Variants in CFAP61 observed in about 807,000 individuals in gnomAD.
CFAP61 encodes cilia and flagella associated protein 61.
CFAP61 carries 107 observed loss-of-function variants against 135.6 expected under a neutral mutation model. The ratio of observed to expected loss-of-function variants is 0.79; its 90% confidence interval spans 0.67 to 0.93. The LOEUF is 0.93. Among genes scored for constraint, CFAP61 ranks in the 40% least tolerant of loss-of-function variants. The probability of loss-of-function intolerance (pLI) is 0.00; values close to 1 mark genes in which losing one functional copy is unlikely to be tolerated. For synonymous variants in CFAP61, 575 were observed against 578.5 expected, an observed-to-expected ratio of 0.99 and a Z score of 0.09; for missense variants, 1,507 against 1,556.2, an observed-to-expected ratio of 0.97 and a Z score of 0.53.
chr20:20,209,807 C>A (rs893522743), intron 17 of CFAP61, among the ~76,000 whole-genome samples: 1 of 152,104 alleles, frequency 6.6e-6, no homozygotes, highest in African/African-American at 2.4e-5. Context: ...TCGTGGCAGG[C>A]GGGGAGGAGG....
intron 25 of CFAP61, among the ~76,000 whole-genome samples, chr20:20,310,785 C>G (rs2056776446): frequency 1.3e-5 from 2 of 152,204 alleles, no homozygotes; most frequent in South Asian, 4.1e-4. Flanking sequence ...ACACTAAGCC[C>G]TGATTTCTGC....
rs1299246945 is a variant in CFAP61 at position 20,075,605 on chromosome 20, C to T, written c.556C>T (p.Arg186Cys). The T allele has an allele frequency of 4.3e-6, 7 of 1,613,976 alleles. No individual in the cohort carries two copies. The highest frequency in any genetic ancestry group is 2.2e-5 in the East Asian group (1 of 44,896). The change falls in exon 6 of 27, where the codon CGC (arginine) becomes TGC (cysteine). Residue 186 changes from arginine (R) to cysteine (C), a missense_variant. Transcript: ENST00000245957. ...RHSHYPQLHV[R>C]KARVEDHDDL... ...CAGCCACTATCCTCAGCTGCACGTT[C>T]GCAAAGCCAGGTACAGTTGGAGTCA...
chr20:20,096,231 A>G (rs528344961), intron 7 of CFAP61, among the ~76,000 whole-genome samples: 2 of 152,324 alleles, frequency 1.3e-5, no homozygotes, highest in African/African-American at 4.8e-5. Context: ...GTGTTTCTCA[A>G]ATCGGTTATT....
In CFAP61 at chr20:20,122,116, C is replaced by T. The variant is rs146329423; in HGVS notation, c.860-20741C>T. On this transcript the variant is annotated intron_variant, in intron 8 of 26. Transcript: ENST00000245957. ...CCTCATCCCCCTCCCAGCTTTCCCC[C>T]CAAGTCCCCAAAGTCCATTGTGTCA... Among the ~76,000 whole-genome samples the T allele has an allele frequency of 8.0e-3, 1,216 of 151,390 alleles. 44 individuals are homozygous for T. The highest frequency in any genetic ancestry group is 0.06 in the Admixed American group (913 of 15,192).
At chr20:20,214,151 C>G (rs1437148972) in intron 17 of CFAP61, 1 of 152,218 alleles carries the variant, frequency 6.6e-6, no homozygotes, top group African/African-American at 2.4e-5. Context: ...GGGGCCCTCT[C>G]AGGATACTGG....
intron 21 of CFAP61, among the ~76,000 whole-genome samples, chr20:20,270,319 T>C (rs2424305): frequency 0.18 from 27,108 of 152,158 alleles, 2,760 homozygotes; most frequent in Middle Eastern, 0.24. Context: ...CTTTATAGCA[T>C]TGAGCGTGAC....
At chr20:20,228,674 G>T in intron 18 of CFAP61, 1 of 237,992 alleles carries the variant, frequency 4.2e-6, no homozygotes, top group Non-Finnish European at 8.4e-6. Flanking sequence ...AGATTAGATG[G>T]CAGACTCCTC....
rs11326705 is a variant in CFAP61 at position 20,144,607 on chromosome 20, G to GA, written c.951+1669dup. ...ATGAAGAGAGAGAGACGCTAGGACAGAAAAAAAAAACACATTCGAAGAAAT... is the reference window on the plus strand; with the variant it reads ...ATGAAGAGAGAGAGACGCTAGGACAGAAAAAAAAAAACACATTCGAAGAAAT... On this transcript the variant is annotated intron_variant, in intron 9 of 26. Transcript: ENST00000245957. Among the ~76,000 whole-genome samples the GA allele has an allele frequency of 2.2e-3, 330 of 148,242 alleles. 2 individuals are homozygous for GA. The highest frequency in any genetic ancestry group is 7.2e-3 in the African/African-American group (292 of 40,670).
chr20:20,101,209 T>C (rs1715135839), intron 8 of CFAP61, among the ~76,000 whole-genome samples: 1 of 152,254 alleles, frequency 6.6e-6, no homozygotes, highest in Admixed American at 6.5e-5. Flanking sequence ...TACTTTCCTT[T>C]CCTGATGAAA....
At chr20:20,330,442 C>T (rs765615549) in intron 25 of CFAP61, among the ~76,000 whole-genome samples, 1 of 152,204 alleles carries the variant, frequency 6.6e-6, no homozygotes, top group Non-Finnish European at 1.5e-5. Flanking sequence ...CTCCAGTGAT[C>T]CTCCCACCTC....
intron 26 of CFAP61, among the ~76,000 whole-genome samples, chr20:20,344,485 C>T (rs889164636): frequency 6.6e-6 from 1 of 152,126 alleles, no homozygotes; most frequent in Non-Finnish European, 1.5e-5. Context: ...AAATGGCCAA[C>T]AGGTATATGA....
intron 6 of CFAP61, among the ~76,000 whole-genome samples, chr20:20,083,956 T>C (rs1455465419): frequency 1.3e-5 from 2 of 152,188 alleles, no homozygotes; most frequent in Non-Finnish European, 2.9e-5. Flanking sequence ...GAATACTATA[T>C]GGAGTTTAGA....
rs774273525 is a variant in CFAP61 at position 20,159,379 on chromosome 20, G to A, written c.961G>A (p.Ala321Thr). Residue 321 changes from alanine (A) to threonine (T), a missense_variant, in exon 10 of 27, where the codon GCC becomes ACC. Coordinates refer to ENST00000245957, the MANE Select transcript of CFAP61 (RefSeq NM_015585.4). ...DTMENIQGNIAREAASEEALT... is the reference protein window; with the variant it reads ...DTMENIQGNITREAASEEALT... The stretch of plus-strand genomic sequence containing the variant: ...CTGTCATCATTTCCAGGGAAATATT[G>A]CCAGAGAAGCTGCATCCGAGGAAGC... 1 of 1,613,774 alleles carries A rather than the reference G, an allele frequency of 6.2e-7. No individual in the cohort carries two copies. The highest frequency in any genetic ancestry group is 8.5e-7 in the Non-Finnish European group (1 of 1,179,688).
rs2052392049 is a variant in CFAP61 at position 20,262,994 on chromosome 20, G to A, written c.2367G>A (p.Leu789=). 1.2e-6 allele frequency: 2 copies of A among 1,613,388 alleles called. No individual in the cohort carries two copies. ...CPTEADISQH[L]TNREVPNSSQ... is the part of the protein sequence containing the mutation. Reference sequence around the variant, plus strand: ...CAGAGGCTGATATTAGTCAACACCTGACAAACAGGGAGGTTCCCAACAGCA... The same window carrying A: ...CAGAGGCTGATATTAGTCAACACCTAACAAACAGGGAGGTTCCCAACAGCA... Residue 789 remains leucine, a synonymous_variant, in exon 21 of 27, where the codon CTG becomes CTA. Transcript: ENST00000245957.
intron 9 of CFAP61, among the ~76,000 whole-genome samples, chr20:20,147,233 A>G (rs1446550853): frequency 6.6e-6 from 1 of 152,184 alleles, no homozygotes; most frequent in Non-Finnish European, 1.5e-5. Flanking sequence ...TTTTTCATAT[A>G]ATGACTTCTT....
intron 8 of CFAP61, among the ~76,000 whole-genome samples, chr20:20,110,807 G>T (rs946726559): frequency 6.6e-6 from 1 of 152,126 alleles, no homozygotes; most frequent in African/African-American, 2.4e-5. Flanking sequence ...CTATTGTGAT[G>T]ATGACTATTT....
At chr20:20,195,463 AG>A (rs1244658337) in intron 15 of CFAP61, among the ~76,000 whole-genome samples, 1 of 152,126 alleles carries the variant, frequency 6.6e-6, no homozygotes, top group African/African-American at 2.4e-5. Flanking sequence ...CTCACCTTGG[AG>A]TGCTCCCCTC....
Position 20,298,366 on chromosome 20 carries a change from C to G in CFAP61, c.3402C>G (p.Asn1134Lys), listed in dbSNP as rs1484493561. The change falls in exon 25 of 27, where the codon AAC (asparagine) becomes AAG (lysine). Residue 1134 changes from asparagine (N) to lysine (K), a missense_variant. By Grantham distance (94) the Asn-to-Lys change is moderately conservative. Transcript: ENST00000245957. ...ACCTGTGTGCTCGGTACGATGAAAA[C>G]CTGATCACAGATCTCTATAGGTGAG... ...LNNLCARYDENLITDLYSYFT... is the reference protein window; with the variant it reads ...LNNLCARYDEKLITDLYSYFT... The G allele has an allele frequency of 6.2e-7, 1 of 1,613,882 alleles. No individual in the cohort carries two copies. Among genetic ancestry groups the G allele is most frequent in the Non-Finnish European group, 8.5e-7 (1 of 1,179,938 alleles).
chr20:20,070,551 G>A (rs1003392043), intron 2 of CFAP61, among the ~76,000 whole-genome samples: 1 of 152,116 alleles, frequency 6.6e-6, no homozygotes, highest in Non-Finnish European at 1.5e-5. Flanking sequence ...AGAGGATAGG[G>A]GAAACTGTGT....
Sources: gnomAD v4.1 joint callset for allele counts (sites outside exome capture counted in the v4.1 genomes callset) on GRCh38, gnomAD v4.1.1 for gene constraint, MANE v1.5 for transcripts, NCBI Gene and HGNC (gene_info 2026-07-23, HGNC 2026-07-21) for gene names.